Variants in HELZ observed in about 807,000 individuals in gnomAD.
The protein encoded by HELZ is helicase with zinc finger, also known as ATP-dependent RNA helicase with zinc finger domain.
A neutral mutation model predicts 218.2 loss-of-function variants in HELZ; 23 were observed. The ratio of observed to expected loss-of-function variants is 0.11; its 90% CI spans 0.08 to 0.15. The LOEUF (loss-of-function observed/expected upper bound fraction) is 0.15. Ranked by LOEUF, HELZ falls within the 10% of genes least tolerant of loss-of-function variation. The pLI is 1.00. For missense variants in HELZ, 1,813 were observed against 2,353.7 expected (o/e 0.77, Z 4.75); for synonymous variants, 814 against 829.4 (o/e 0.98, Z 0.32).
intron 3 of HELZ, among the ~76,000 whole-genome samples, chr17:67,237,840 T>C (rs1981741): frequency 0.22 from 33,715 of 150,410 alleles, 4,584 homozygotes; most frequent in Non-Finnish European, 0.31. Flanking sequence ...AATACAAAAT[T>C]AGTCAGGCGT....
intron 13 of HELZ, among the ~76,000 whole-genome samples, chr17:67,173,340 T>C (rs1221712366): frequency 6.6e-6 from 1 of 152,190 alleles, no homozygotes; most frequent in Admixed American, 6.5e-5. Flanking sequence ...AAGAAAGATA[T>C]TTCTTAATAA....
In HELZ at chr17:67,194,553, T is replaced by C. The variant is rs920576304; in HGVS notation, c.482-511A>G. On this transcript the variant is annotated intron_variant, in intron 8 of 32. Coordinates refer to ENST00000358691, the MANE Select transcript of HELZ (RefSeq NM_014877.4). ...TGTAGAATATAATCCTTTTTTAAAA[T>C]TGAAATAAAGTTCAAAAAGTTTAAT... Among the ~76,000 whole-genome samples, 8 of 152,322 alleles carry C rather than the reference T, an allele frequency of 5.3e-5. No homozygotes were observed. In the East Asian group the frequency reaches 1.2e-3, roughly 22 times the overall value.
intron 31 of HELZ, among the ~76,000 whole-genome samples, chr17:67,103,717 C>CT (rs1264891252): frequency 6.6e-6 from 1 of 152,046 alleles, no homozygotes; most frequent in African/African-American, 2.4e-5. Flanking sequence ...TGTCAGCTGG[C>CT]TTTTTTTCTG....
intron 26 of HELZ, 50 bp from the exon 27 acceptor site, chr17:67,120,662 A>C: frequency 7.7e-7 from 1 of 1,299,886 alleles, no homozygotes; most frequent in South Asian, 1.2e-5. Flanking sequence ...TTTGGAAGGC[A>C]AACTGCTAGA....
intron 5 of HELZ, among the ~76,000 whole-genome samples, chr17:67,209,324 G>A (rs1473312128): frequency 6.6e-6 from 1 of 152,126 alleles, no homozygotes; most frequent in African/African-American, 2.4e-5. Context: ...TAGGCCGGAC[G>A]CGGTGGCTCA....
intron 17 of HELZ, 44 bp downstream of exon 17, chr17:67,160,217 A>G: frequency 8.7e-7 from 1 of 1,155,610 alleles, no homozygotes; most frequent in Admixed American, 1.8e-5. Context: ...TCTTAAGAAT[A>G]ATAAAGTATG....
At chr17:67,244,081 T>G in intron 1 of HELZ, 2 of 664,032 alleles carry the variant, frequency 3.0e-6, no homozygotes, top group Non-Finnish European at 3.7e-6. Context: ...AAAATCATCT[T>G]TTTCAACACA....
At chr17:67,178,193 G>A (rs2039511903) in intron 13 of HELZ, among the ~76,000 whole-genome samples, 1 of 152,080 alleles carries the variant, frequency 6.6e-6, no homozygotes, top group Non-Finnish European at 1.5e-5. Context: ...ATATGTTAAC[G>A]TATTTATAAA....
intron 12 of HELZ, among the ~76,000 whole-genome samples, chr17:67,180,481 C>T (rs547736137): frequency 2.0e-5 from 3 of 152,278 alleles, no homozygotes; most frequent in South Asian, 2.1e-4. Context: ...CGGTGGCTCA[C>T]GCCTATAATC....
chr17:67,157,336 C>T (rs909686218), intron 17 of HELZ, among the ~76,000 whole-genome samples: 3 of 152,228 alleles, frequency 2.0e-5, no homozygotes, highest in African/African-American at 7.2e-5. Flanking sequence ...CTAAGTCTCA[C>T]TGCTGACGTT....
intron 32 of HELZ, among the ~76,000 whole-genome samples, chr17:67,082,862 T>TGG (rs1567784370): frequency 7.3e-5 from 10 of 137,274 alleles, no homozygotes; most frequent in African/African-American, 3.2e-4. Flanking sequence ...TTTTTTTTGT[T>TGG]TTTTTTTTTT....
intron 3 of HELZ, among the ~76,000 whole-genome samples, chr17:67,231,278 T>C (rs1312704461): frequency 6.6e-6 from 1 of 152,068 alleles, no homozygotes; most frequent in Non-Finnish European, 1.5e-5. Flanking sequence ...CCAAATAAAG[T>C]CTAAAAATTA....
At chr17:67,149,666 T>C (rs569358836) in intron 19 of HELZ, among the ~76,000 whole-genome samples, 5 of 152,236 alleles carry the variant, frequency 3.3e-5, no homozygotes, top group African/African-American at 9.6e-5. Context: ...AGTGACAGAC[T>C]ATCCAAAAAA....
Position 67,192,805 on chromosome 17 carries a change from C to T in HELZ, c.557+1162G>A, listed in dbSNP as rs187710491. 5.9e-5 allele frequency among the ~76,000 whole-genome samples: 9 copies of T among 152,090 alleles called. No individual in the cohort carries two copies. The East Asian group carries it at 9.6e-4, about 16-fold the overall frequency. On this transcript the variant is annotated intron_variant, in intron 9 of 32. Coordinates refer to ENST00000358691, the MANE Select transcript of HELZ (RefSeq NM_014877.4). ...AGTTACAAGTTCTTACAAAAAGAAC[C>T]GAAGAGTTTACCATTTTAACTGTAA...
At chr17:67,094,211 A>T (rs1332363013) in intron 31 of HELZ, among the ~76,000 whole-genome samples, 3 of 152,136 alleles carry the variant, frequency 2.0e-5, no homozygotes, top group Non-Finnish European at 4.4e-5. Context: ...AGTCCCAGCT[A>T]CTTAGGGGGC....
At chr17:67,154,293 T>C (rs114388265) in intron 17 of HELZ, among the ~76,000 whole-genome samples, 2,807 of 152,182 alleles carry the variant, frequency 0.018, 80 homozygotes, top group African/African-American at 0.063. Flanking sequence ...CCTGGCATGG[T>C]GGCAATGCAC....
At chr17:67,175,912 A>T (rs1567864904) in intron 13 of HELZ, among the ~76,000 whole-genome samples, 1 of 151,910 alleles carries the variant, frequency 6.6e-6, no homozygotes, top group Non-Finnish European at 1.5e-5. Context: ...AATAAATATG[A>T]TATAACTTTA....
chr17:67,203,465 C>T, intron 5 of HELZ, 22 bp from the exon 6 acceptor site: 1 of 1,611,828 alleles, frequency 6.2e-7, no homozygotes, highest in South Asian at 1.1e-5. Flanking sequence ...GAACAGCCAT[C>T]ATTAACCATA....
chr17:67,214,426 T>C (rs1468708440), intron 5 of HELZ, among the ~76,000 whole-genome samples: 1 of 151,454 alleles, frequency 6.6e-6, no homozygotes, highest in Non-Finnish European at 1.5e-5. Flanking sequence ...CCACCATGCC[T>C]GGCTAATTTC....
Sources: gnomAD v4.1 joint callset for allele counts (sites outside exome capture counted in the v4.1 genomes callset) on GRCh38, gnomAD v4.1.1 for gene constraint, MANE v1.5 for transcripts, NCBI Gene and HGNC (gene_info 2026-07-23, HGNC 2026-07-21) for gene names.